The following ACSM5 variants were observed in gnomAD, a reference collection of about 807,000 sequenced individuals.
ACSM5 encodes the protein acyl-CoA synthetase medium chain family member 5, also known as acyl-coenzyme A synthetase ACSM5, mitochondrial.
A neutral mutation model predicts 71.6 loss-of-function variants in ACSM5; 56 were observed. That is an observed-to-expected ratio of 0.78 (90% CI 0.63 to 0.98). The LOEUF is 0.98. ACSM5 is among the 50% of genes least tolerant of loss of function. ACSM5 has a pLI of 0.00. For synonymous variants in ACSM5, 285 were observed against 281.5 expected (o/e 1.01, Z -0.12); for missense variants, 723 against 726.0 (o/e 1.00, Z 0.05).
intron 10 of ACSM5, among the ~76,000 whole-genome samples, chr16:20,435,738 G>C (rs983071540): frequency 6.6e-6 from 1 of 152,146 alleles, no homozygotes; most frequent in African/African-American, 2.4e-5. Context: ...ATCTGTCTGG[G>C]TTCTTTTACT....
chr16:20,441,296 C>T lies in ACSM5; in HGVS notation c.*869C>T, dbSNP rs1426994440. 6.6e-6 allele frequency: 1 copy of T among 152,186 alleles called. No individual in the cohort carries two copies. Among genetic ancestry groups the T allele is most frequent in the Non-Finnish European group, 1.5e-5 (1 of 68,046 alleles). The allele number at this position is 152,186 out of a possible 1,614,324, so 9.4% of individuals were successfully genotyped here. On this transcript the variant is annotated 3_prime_UTR_variant, in exon 14 of 14. Coordinates refer to ENST00000331849, the MANE Select transcript of ACSM5 (RefSeq NM_017888.3). Reference sequence around the variant, plus strand: ...ATTTTCCAAGTTTTTGTACGAAGCACATACAACTATTTTAATGAAAAAGTT... The same window carrying T: ...ATTTTCCAAGTTTTTGTACGAAGCATATACAACTATTTTAATGAAAAAGTT...
At chr16:20,430,809 A>G (rs563962571) in intron 8 of ACSM5, among the ~76,000 whole-genome samples, 184 bp from the exon 9 acceptor site, 1 of 151,844 alleles carries the variant, frequency 6.6e-6, no homozygotes, top group Non-Finnish European at 1.5e-5. Flanking sequence ...AAGAAAAAAG[A>G]AAAGAAAGAA....
chr16:20,437,894 C>A (rs1167101534), intron 12 of ACSM5, among the ~76,000 whole-genome samples: 1 of 151,556 alleles, frequency 6.6e-6, no homozygotes, highest in Non-Finnish European at 1.5e-5. Flanking sequence ...ATGATCTTGG[C>A]TCACTGCAAC....
intron 3 of ACSM5, among the ~76,000 whole-genome samples, chr16:20,418,542 C>T (rs1966863567): frequency 1.3e-5 from 2 of 152,154 alleles, no homozygotes; most frequent in African/African-American, 4.8e-5. Context: ...CGCTGCTTCT[C>T]AACTCGAACC....
intron 10 of ACSM5, among the ~76,000 whole-genome samples, chr16:20,431,961 A>AATAATAATAATAATAATG (rs1967109761): frequency 6.7e-6 from 1 of 150,064 alleles, no homozygotes; most frequent in African/African-American, 2.4e-5. Flanking sequence ...AAAAAATAAT[A>AATAATAATAATAATAATG]ATAATAATAA....
chr16:20,437,240 CT>C (rs762632504), intron 11 of ACSM5, 27 bp from the exon 12 acceptor site: 2 of 1,614,062 alleles, frequency 1.2e-6, no homozygotes, highest in Non-Finnish European at 1.7e-6. Context: ...GGGAAGCCCA[CT>C]TGGAAGAGTT....
In ACSM5 at chr16:20,427,863, A is replaced by C; in HGVS notation, c.997A>C (p.Thr333Pro). The change falls in exon 7 of 14, where the codon ACC becomes CCC. Residue 333 changes from threonine (T) to proline (P), a missense_variant. By Grantham distance (38) the Thr-to-Pro change is conservative (BLOSUM62 -1). Transcript: ENST00000331849. ...IFRLLVQEDL[T>P]RYQFQSLRHC... ...TCGGCTGCTTGTGCAGGAGGATCTGACCAGGTACAGCCCGTCTATTTCGTG... is the reference window on the plus strand; with the variant it reads ...TCGGCTGCTTGTGCAGGAGGATCTGCCCAGGTACAGCCCGTCTATTTCGTG... 1.2e-6 allele frequency: 2 copies of C among 1,612,906 alleles called. No homozygotes were observed. The highest frequency in any genetic ancestry group is 1.7e-6 in the Non-Finnish European group (2 of 1,178,984).
chr16:20,425,594 C>G (rs1433476415), intron 6 of ACSM5, among the ~76,000 whole-genome samples: 3 of 152,116 alleles, frequency 2.0e-5, no homozygotes, highest in African/African-American at 7.2e-5. Flanking sequence ...CACCATTTTC[C>G]CCAAGTCCCC....
chr16:20,428,471 G>C (rs976057418), intron 7 of ACSM5, among the ~76,000 whole-genome samples: 1 of 152,228 alleles, frequency 6.6e-6, no homozygotes, highest in African/African-American at 2.4e-5. Context: ...TCTTCTAGCA[G>C]AACAGGGCTG....
At chr16:20,418,350 A>G in intron 3 of ACSM5, 81 bp downstream of exon 3, 2 of 1,366,890 alleles carry the variant, frequency 1.5e-6, no homozygotes, top group South Asian at 1.4e-5. Flanking sequence ...GGTCTTGAAG[A>G]TGGAGCAAAA....
chr16:20,433,840 A>ATTT (rs61417020), intron 10 of ACSM5, among the ~76,000 whole-genome samples: 3 of 137,202 alleles, frequency 2.2e-5, no homozygotes, highest in Admixed American at 1.5e-4. Context: ...CACCTGGCTA[A>ATTT]TTTTTTTTTT....
chr16:20,436,922 G>A, intron 10 of ACSM5, 130 bp from the exon 11 acceptor site: 1 of 1,025,256 alleles, frequency 9.8e-7, no homozygotes, highest in South Asian at 1.5e-5. Flanking sequence ...ACTCTGGGCA[G>A]CCGGGACTTT....
intron 9 of ACSM5, 73 bp from the exon 10 acceptor site, chr16:20,431,147 G>T: frequency 1.3e-6 from 2 of 1,589,180 alleles, no homozygotes; most frequent in Non-Finnish European, 1.7e-6. Context: ...GTTGGCACGG[G>T]CTGCTGGGCT....
intron 2 of ACSM5, 82 bp from the exon 3 acceptor site, chr16:20,417,977 T>C (rs1262981124): frequency 3.8e-6 from 5 of 1,306,802 alleles, no homozygotes; most frequent in Admixed American, 4.5e-5. Context: ...ATATTAACTA[T>C]TATAAAACAT....
intron 7 of ACSM5, 148 bp from the exon 8 acceptor site, chr16:20,429,530 C>T: frequency 1.0e-6 from 1 of 953,702 alleles, no homozygotes; most frequent in South Asian, 1.4e-5. Context: ...GGTTGCAAAG[C>T]CAGTGGGTGG....
At position 20,437,177 on chromosome 16, in the gene ACSM5, A is replaced by C. The variant is rs753894700; in HGVS notation, c.1434A>C (p.Ser478=). 107 of 1,614,038 alleles carry C rather than the reference A, an allele frequency of 6.6e-5. No individual in the cohort carries two copies. The highest frequency in any genetic ancestry group is 8.5e-5 in the Non-Finnish European group (100 of 1,180,028). The stretch of plus-strand genomic sequence containing the variant: ...GAAACGACGATGTGATCAATTCTTC[A>C]AGGTCAAGCTGTCTGCACTTTCCTC... ...MGRNDDVINS[S]SYRIGPVEVE... is the part of the protein sequence containing the mutation. Residue 478 remains serine, a splice_region_variant and synonymous_variant, in exon 11 of 14, where the codon TCA becomes TCC. Transcript: ENST00000331849.
intron 1 of ACSM5, among the ~76,000 whole-genome samples, 182 bp downstream of exon 1, chr16:20,409,847 G>A (rs957178407): frequency 2.1e-5 from 3 of 141,758 alleles, no homozygotes; most frequent in Non-Finnish European, 4.5e-5. Flanking sequence ...AAAAGGACTG[G>A]GGCAGAGCTC....
At position 20,439,744 on chromosome 16, in the gene ACSM5, A is replaced by C. The variant is rs1351411572; in HGVS notation, c.1537-56A>C. The C allele has an allele frequency of 4.0e-5, 61 of 1,522,572 alleles. 3 individuals carry two copies. The highest frequency in any genetic ancestry group is 5.5e-5 in the Non-Finnish European group (61 of 1,109,684). The allele number at this position is 1,522,572 out of a possible 1,614,324, so 94.3% of individuals were successfully genotyped here. On this transcript the variant is annotated intron_variant, in intron 12 of 13. Transcript: ENST00000331849. Reference sequence around the variant, plus strand: ...GCACTTATTCAAGCCTCACTTAAGGAGAAAAGAGTTGTTATACGAGGCCTG... The same window carrying C: ...GCACTTATTCAAGCCTCACTTAAGGCGAAAAGAGTTGTTATACGAGGCCTG...
intron 8 of ACSM5, among the ~76,000 whole-genome samples, chr16:20,430,031 T>C (rs1967063426): frequency 6.6e-6 from 1 of 152,044 alleles, no homozygotes; most frequent in Non-Finnish European, 1.5e-5. Flanking sequence ...TAAAAGACTT[T>C]GGAGACTCAG....
Sources: gnomAD v4.1 joint callset for allele counts (sites outside exome capture counted in the v4.1 genomes callset) on GRCh38, gnomAD v4.1.1 for gene constraint, MANE v1.5 for transcripts, NCBI Gene and HGNC (gene_info 2026-07-23, HGNC 2026-07-21) for gene names.